FLYWCH1: variants seen among roughly 807,000 people sequenced by gnomAD.
FLYWCH1 encodes the protein FLYWCH-type zinc finger 1.
A neutral mutation model predicts 66.4 loss-of-function variants in FLYWCH1; 75 were observed. That is an observed-to-expected ratio of 1.13 (90% CI 0.94 to 1.37). The LOEUF (loss-of-function observed/expected upper bound fraction) is 1.37, where lower values mean the gene tolerates loss of function less well. FLYWCH1 is among the 40% of genes most tolerant of loss of function. The pLI, the probability that FLYWCH1 is intolerant of heterozygous loss-of-function variation, is 0.00. For missense variants in FLYWCH1, 1,334 were observed against 1,001.8 expected (o/e 1.33, Z -4.48); for synonymous variants, 595 against 429.9 (o/e 1.38, Z -4.75).
At chr16:2,937,747 C>T (rs1214890618) in intron 7 of FLYWCH1, among the ~76,000 whole-genome samples, 4 of 152,074 alleles carry the variant, frequency 2.6e-5, no homozygotes, top group Non-Finnish European at 5.9e-5. Flanking sequence ...TCTAGTCTCA[C>T]GGGGTTCTCT....
intron 2 of FLYWCH1, among the ~76,000 whole-genome samples, chr16:2,914,762 G>A (rs556199417): frequency 2.0e-5 from 3 of 151,902 alleles, no homozygotes; most frequent in African/African-American, 4.8e-5. Flanking sequence ...TTAGCTGGGC[G>A]TGGTGGCGCA....
At chr16:2,947,458 C>A (rs548559599) in intron 9 of FLYWCH1, among the ~76,000 whole-genome samples, 1 of 152,082 alleles carries the variant, frequency 6.6e-6, no homozygotes, top group Non-Finnish European at 1.5e-5. Flanking sequence ...CTCAGTAGAG[C>A]TCTTAAAAAG....
At chr16:2,943,108 C>A (rs942731044) in intron 9 of FLYWCH1, among the ~76,000 whole-genome samples, 2 of 152,092 alleles carry the variant, frequency 1.3e-5, no homozygotes, top group Non-Finnish European at 1.5e-5. Context: ...ATTTGCTGAA[C>A]ACTTGCTTTT....
At chr16:2,936,008 C>G (rs1323794699) in intron 6 of FLYWCH1, 6 of 182,230 alleles carry the variant, frequency 3.3e-5, no homozygotes, top group African/African-American at 9.6e-5. Flanking sequence ...CTCCCAGGTT[C>G]AAGTGATTTT....
intron 2 of FLYWCH1, among the ~76,000 whole-genome samples, chr16:2,916,171 A>C (rs574424346): frequency 2.0e-4 from 31 of 151,974 alleles, no homozygotes; most frequent in Admixed American, 1.4e-3. Context: ...ACATGATGAA[A>C]CCTCATCTCT....
At chr16:2,924,111 A>G (rs2070472822) in intron 2 of FLYWCH1, among the ~76,000 whole-genome samples, 1 of 152,126 alleles carries the variant, frequency 6.6e-6, no homozygotes, top group African/African-American at 2.4e-5. Flanking sequence ...CAGGCGGATC[A>G]CGAGGTCAGG....
At chr16:2,934,342 T>G (rs1056706331) in intron 6 of FLYWCH1, among the ~76,000 whole-genome samples, 1 of 152,172 alleles carries the variant, frequency 6.6e-6, no homozygotes, top group Admixed American at 6.5e-5. Context: ...TGTCTTAACG[T>G]CTGAGTGGTT....
rs1302532266 is a variant in FLYWCH1, at chr16:2,937,264, A to G, written c.1657A>G (p.Ile553Val). Residue 553 changes from isoleucine (I) to valine (V), a missense_variant, in exon 7 of 10, where the codon ATC (isoleucine) becomes GTC (valine). Coordinates refer to ENST00000253928, the MANE Select transcript of FLYWCH1 (RefSeq NM_001308068.2). ...QARMGCRSRA[I>V]TQGRRVMVMR... ...CCGCATGGGCTGCCGCAGCCGCGCC[A>G]TCACCCAGGGCCGGCGGGTCATGGT... 1 of 1,607,072 alleles carries G rather than the reference A, an allele frequency of 6.2e-7. No individual in the cohort carries two copies. Among genetic ancestry groups the G allele is most frequent in the African/African-American group, 1.3e-5 (1 of 74,790 alleles).
chr16:2,936,494 A>T, intron 6 of FLYWCH1: 4 of 220,182 alleles, frequency 1.8e-5, no homozygotes. Flanking sequence ...ACCCACCCCC[A>T]TCCCCTGCTT....
At chr16:2,938,905 C>T (rs1032554933) in intron 8 of FLYWCH1, among the ~76,000 whole-genome samples, 2 of 146,762 alleles carry the variant, frequency 1.4e-5, no homozygotes, top group Non-Finnish European at 3.0e-5. Context: ...AGTCACTGTG[C>T]CCAACCTTTT....
At chr16:2,927,056 G>A (rs1191288606) in intron 2 of FLYWCH1, among the ~76,000 whole-genome samples, 1 of 152,192 alleles carries the variant, frequency 6.6e-6, no homozygotes, top group East Asian at 1.9e-4. Flanking sequence ...TGCCAGCCGA[G>A]CTTCAGTATT....
intron 9 of FLYWCH1, among the ~76,000 whole-genome samples, chr16:2,946,316 CTTTTTTTTTTTTT>C (rs58279573): frequency 4.0e-5 from 3 of 75,532 alleles, no homozygotes; most frequent in Non-Finnish European, 7.1e-5. Context: ...GTGGGCTGTA[CTTTTTTTTTTTTT>C]TTTTTTTTTT....
At chr16:2,922,569 GT>G (rs1328288468) in intron 2 of FLYWCH1, 4 of 317,292 alleles carry the variant, frequency 1.3e-5, no homozygotes, top group East Asian at 9.7e-5. Context: ...GACAGTGTTT[GT>G]CCCCTTGTGC....
rs568050788 is a variant in FLYWCH1, at chr16:2,948,495, G to A, written c.2112-193G>A. 3.4e-4 allele frequency among the ~76,000 whole-genome samples: 51 copies of A among 152,070 alleles called. 1 individual carries two copies. The South Asian group carries it at 3.9e-3, about 12-fold the overall frequency. On this transcript the variant is annotated intron_variant, in intron 9 of 9. Transcript: ENST00000253928. ...GGAGAATCACTTGAACCCAGGAGGC[G>A]GGGGGTGCAGTGAGCCGAGATCGCA...
intron 2 of FLYWCH1, chr16:2,923,121 T>C: frequency 9.9e-6 from 4 of 402,440 alleles, no homozygotes; most frequent in South Asian, 6.1e-5. Flanking sequence ...GGTTCTTTTT[T>C]TGTGTGGCTG....
intron 1 of FLYWCH1, among the ~76,000 whole-genome samples, chr16:2,913,417 T>C (rs2070058534): frequency 6.6e-6 from 1 of 152,098 alleles, no homozygotes; most frequent in Non-Finnish European, 1.5e-5. Context: ...GGGGGTCTCA[T>C]TGGCCAAGCT....
intron 9 of FLYWCH1, among the ~76,000 whole-genome samples, chr16:2,942,950 C>A (rs1365792747): frequency 6.6e-6 from 1 of 151,766 alleles, no homozygotes; most frequent in East Asian, 1.9e-4. Flanking sequence ...GATCCACCCG[C>A]CTCGGACTCC....
chr16:2,937,676 T>G (rs529376711), intron 7 of FLYWCH1, among the ~76,000 whole-genome samples: 2 of 152,282 alleles, frequency 1.3e-5, no homozygotes, highest in African/African-American at 4.8e-5. Context: ...TGGCATCTGC[T>G]GACGGGCCGT....
intron 2 of FLYWCH1, among the ~76,000 whole-genome samples, chr16:2,926,242 T>C (rs1488825951): frequency 6.6e-6 from 1 of 152,232 alleles, no homozygotes; most frequent in Non-Finnish European, 1.5e-5. Flanking sequence ...CAAGGAACTT[T>C]AGATCTAAAG....
Sources: gnomAD v4.1 joint callset for allele counts (sites outside exome capture counted in the v4.1 genomes callset) on GRCh38, gnomAD v4.1.1 for gene constraint, MANE v1.5 for transcripts, NCBI Gene and HGNC (gene_info 2026-07-23, HGNC 2026-07-21) for gene names.